Variants in STX18 observed in about 807,000 individuals in gnomAD.
The protein encoded by STX18 is syntaxin 18.
Under a neutral mutation model 50.1 loss-of-function variants are expected in STX18, and 40 were observed. The observed-to-expected ratio is 0.80, with a 90% CI of 0.62 to 1.04. The LOEUF is 1.04. STX18 is among the 50% of genes least tolerant of loss of function. STX18 has a pLI of 0.00. For missense variants in STX18, 410 were observed against 415.8 expected (o/e 0.99, Z 0.12); for synonymous variants, 158 against 151.8 (o/e 1.04, Z -0.30).
chr4:4,477,618 C>T (rs930473561), intron 1 of STX18, among the ~76,000 whole-genome samples: 5 of 152,112 alleles, frequency 3.3e-5, no homozygotes, highest in African/African-American at 9.7e-5. Flanking sequence ...TAAGGAATTT[C>T]CTCAGGGACA....
At chr4:4,499,437 T>G in intron 1 of STX18, 1 of 921,058 alleles carries the variant, frequency 1.1e-6, no homozygotes, top group Non-Finnish European at 1.3e-6. Flanking sequence ...AAAACCATAC[T>G]GTGCTCTGGA....
intron 1 of STX18, among the ~76,000 whole-genome samples, chr4:4,505,180 G>A (rs1469432053): frequency 1.3e-5 from 2 of 152,102 alleles, no homozygotes; most frequent in Non-Finnish European, 2.9e-5. Flanking sequence ...CACTTACCGT[G>A]GGGTTATGTC....
chr4:4,456,280 A>C (rs1727065531), intron 5 of STX18, among the ~76,000 whole-genome samples: 1 of 152,084 alleles, frequency 6.6e-6, no homozygotes, highest in African/African-American at 2.4e-5. Context: ...AACAAAAAAA[A>C]ACAAAAAAGA....
intron 2 of STX18, among the ~76,000 whole-genome samples, chr4:4,465,364 A>G (rs1727568523): frequency 6.6e-6 from 1 of 152,228 alleles, no homozygotes. Flanking sequence ...ATGCCCATCA[A>G]TGAATGATAG....
At chr4:4,538,930 C>T (rs1014927994) in intron 1 of STX18, among the ~76,000 whole-genome samples, 10 of 152,038 alleles carry the variant, frequency 6.6e-5, no homozygotes, top group Non-Finnish European at 8.8e-5. Context: ...TCTGAAAAGT[C>T]GTTACTCTCC....
intron 1 of STX18, among the ~76,000 whole-genome samples, chr4:4,483,786 G>A (rs935242584): frequency 1.3e-5 from 2 of 152,156 alleles, no homozygotes; most frequent in African/African-American, 4.8e-5. Flanking sequence ...ACTCTGAATC[G>A]AGGTCAGCTA....
intron 9 of STX18, among the ~76,000 whole-genome samples, chr4:4,422,562 CTG>C (rs1725021534): frequency 7.3e-6 from 1 of 136,476 alleles, no homozygotes; most frequent in Non-Finnish European, 1.5e-5. Flanking sequence ...CAGCAAGACT[CTG>C]TCTCCAAAAA....
intron 9 of STX18, among the ~76,000 whole-genome samples, chr4:4,421,338 G>A (rs1309228927): frequency 6.9e-6 from 1 of 145,010 alleles, no homozygotes; most frequent in East Asian, 2.0e-4. Flanking sequence ...TTTTTTTTTT[G>A]AGACAGGGCT....
At chr4:4,535,801 A>AG (rs1731304921) in intron 1 of STX18, among the ~76,000 whole-genome samples, 1 of 152,002 alleles carries the variant, frequency 6.6e-6, no homozygotes, top group African/African-American at 2.4e-5. Context: ...CCTCTCATGG[A>AG]CTCACTGTAC....
At chr4:4,538,259 G>A (rs1731432355) in intron 1 of STX18, among the ~76,000 whole-genome samples, 1 of 152,068 alleles carries the variant, frequency 6.6e-6, no homozygotes, top group Non-Finnish European at 1.5e-5. Context: ...TGAGCTATAG[G>A]GATCCACTAA....
chr4:4,494,931 C>T (rs943296124), intron 1 of STX18, among the ~76,000 whole-genome samples: 1 of 152,124 alleles, frequency 6.6e-6, no homozygotes, highest in Non-Finnish European at 1.5e-5. Context: ...TCTGATTGGT[C>T]TCATGTAGGG....
chr4:4,424,978 C>A (rs1725173730), intron 8 of STX18, among the ~76,000 whole-genome samples, 186 bp downstream of exon 8: 1 of 152,178 alleles, frequency 6.6e-6, no homozygotes, highest in Admixed American at 6.5e-5. Context: ...AACCCACAGG[C>A]CCACAAGCTG....
chr4:4,519,231 CAG>C (rs572359848), intron 1 of STX18, among the ~76,000 whole-genome samples: 40 of 152,280 alleles, frequency 2.6e-4, no homozygotes, highest in African/African-American at 7.5e-4. Flanking sequence ...CAAGCATTTA[CAG>C]AGTTTTCCAC....
chr4:4,511,536 T>TA (rs1418118682), intron 1 of STX18, among the ~76,000 whole-genome samples: 3 of 152,226 alleles, frequency 2.0e-5, no homozygotes, highest in Non-Finnish European at 4.4e-5. Context: ...TTGGAATATG[T>TA]ATTGTTTAGG....
intron 1 of STX18, among the ~76,000 whole-genome samples, chr4:4,476,295 T>C (rs1351425823): frequency 6.6e-6 from 1 of 152,224 alleles, no homozygotes; most frequent in Non-Finnish European, 1.5e-5. Flanking sequence ...AATTGAACTG[T>C]AGATAAAAGA....
chr4:4,461,931 G>C (rs1727400741), intron 2 of STX18: 1 of 456,124 alleles, frequency 2.2e-6, no homozygotes, highest in South Asian at 1.5e-5. Context: ...GTTCCGCTCT[G>C]TTCCTCTCTC....
At chr4:4,483,114 G>C (rs79453226) in intron 1 of STX18, among the ~76,000 whole-genome samples, 5,288 of 152,184 alleles carry the variant, frequency 0.035, 227 homozygotes, top group African/African-American at 0.1. Flanking sequence ...TGGTTAACAG[G>C]GGGGCATGGG....
At chr4:4,427,769 A>G (rs1190619348) in intron 7 of STX18, among the ~76,000 whole-genome samples, 3 of 152,140 alleles carry the variant, frequency 2.0e-5, no homozygotes, top group Admixed American at 2.0e-4. Flanking sequence ...GCCTCTTCGT[A>G]ATTGTTAACT....
At chr4:4,441,722 C>T (rs1726117018) in intron 5 of STX18, among the ~76,000 whole-genome samples, 1 of 152,140 alleles carries the variant, frequency 6.6e-6, no homozygotes, top group Non-Finnish European at 1.5e-5. Context: ...AAAAACATCA[C>T]CAGGTCCCAT....
Sources: gnomAD v4.1 joint callset for allele counts (sites outside exome capture counted in the v4.1 genomes callset) on GRCh38, gnomAD v4.1.1 for gene constraint, MANE v1.5 for transcripts, NCBI Gene and HGNC (gene_info 2026-07-23, HGNC 2026-07-21) for gene names.